The following LHPP variants were observed in gnomAD, a reference collection of about 807,000 sequenced individuals.
LHPP encodes the protein hLHPP.
LHPP carries 24 observed loss-of-function variants against 30.3 expected under a neutral mutation model. The observed-to-expected ratio is 0.79, with a 90% CI of 0.57 to 1.11. The LOEUF is 1.11. Among genes scored for constraint, LHPP ranks in the 50% most tolerant of loss-of-function variants. The pLI is 0.00. For synonymous variants in LHPP, 150 were observed against 157.1 expected (o/e 0.95, Z 0.34); for missense variants, 356 against 367.2 (o/e 0.97, Z 0.25).
intron 6 of LHPP, among the ~76,000 whole-genome samples, chr10:124,579,103 A>G (rs1246242629): frequency 6.6e-6 from 1 of 152,186 alleles, no homozygotes; most frequent in Non-Finnish European, 1.5e-5. Flanking sequence ...CAGCAAGCAG[A>G]TACATGTTGT....
chr10:124,571,567 G>A (rs557755454), intron 6 of LHPP, among the ~76,000 whole-genome samples: 1 of 152,362 alleles, frequency 6.6e-6, no homozygotes, highest in South Asian at 2.1e-4. Flanking sequence ...CTGGGAGGAG[G>A]ACCAGCAAAG....
intron 5 of LHPP, among the ~76,000 whole-genome samples, chr10:124,504,394 C>T (rs534388097): frequency 2.8e-4 from 42 of 148,508 alleles, no homozygotes; most frequent in African/African-American, 1.0e-3. Context: ...AAGTTTGAGA[C>T]CAGCCTGGGC....
At position 124,497,025 on chromosome 10, in the gene LHPP, G is replaced by A. The variant is rs1354408807; in HGVS notation, c.531+1G>A. ...TGGTCCCTACATGAAGGCGCTTGAGGTACCAGCCCTGGTTCTGTCCCAAAC... is the reference window on the plus strand; with the variant it reads ...TGGTCCCTACATGAAGGCGCTTGAGATACCAGCCCTGGTTCTGTCCCAAAC... On this transcript the variant is annotated splice_donor_variant, in intron 4 of 6. Coordinates refer to ENST00000368842, the MANE Select transcript of LHPP (RefSeq NM_022126.4). LOFTEE classifies it high-confidence loss of function. 6 of 1,613,520 alleles carry A rather than the reference G, an allele frequency of 3.7e-6. No homozygotes were observed. The highest frequency in any genetic ancestry group is 1.1e-5 in the South Asian group (1 of 91,048).
chr10:124,497,360 A>G (rs942642977), intron 4 of LHPP, among the ~76,000 whole-genome samples: 1 of 147,388 alleles, frequency 6.8e-6, no homozygotes, highest in Non-Finnish European at 1.5e-5. Flanking sequence ...TCTCTGCCAC[A>G]CTCCTCTCGG....
At chr10:124,514,912 C>T (rs1954406861) in intron 5 of LHPP, among the ~76,000 whole-genome samples, 1 of 152,104 alleles carries the variant, frequency 6.6e-6, no homozygotes, top group Non-Finnish European at 1.5e-5. Flanking sequence ...AGTGATCCTC[C>T]CACCTCAGTC....
chr10:124,557,564 A>C (rs1482612420), intron 6 of LHPP, among the ~76,000 whole-genome samples: 1 of 152,196 alleles, frequency 6.6e-6, no homozygotes, highest in African/African-American at 2.4e-5. Context: ...AGGATACATA[A>C]CAAAATGATT....
intron 2 of LHPP, 83 bp downstream of exon 2, chr10:124,484,409 C>T: frequency 7.5e-7 from 1 of 1,330,214 alleles, no homozygotes; most frequent in Non-Finnish European, 1.1e-6. Context: ...GCCTCTTTCA[C>T]TGGGCCAAAC....
chr10:124,532,144 G>T (rs908743853), intron 6 of LHPP, among the ~76,000 whole-genome samples: 1 of 152,206 alleles, frequency 6.6e-6, no homozygotes, highest in African/African-American at 2.4e-5. Flanking sequence ...CGTTCTTTGA[G>T]CCCTTCCTTG....
At chr10:124,551,491 C>G (rs1254702025) in intron 6 of LHPP, among the ~76,000 whole-genome samples, 4 of 152,182 alleles carry the variant, frequency 2.6e-5, no homozygotes, top group Non-Finnish European at 4.4e-5. Context: ...CCAGCCCCTC[C>G]CACACTTCCC....
intron 6 of LHPP, among the ~76,000 whole-genome samples, chr10:124,602,549 TG>T (rs1247939821): frequency 6.6e-6 from 1 of 152,236 alleles, no homozygotes; most frequent in African/African-American, 2.4e-5. Context: ...GATCCCTTCC[TG>T]TGCCTCGGTT....
chr10:124,564,418 C>T (rs11597269), intron 6 of LHPP, among the ~76,000 whole-genome samples: 90,193 of 151,402 alleles, frequency 0.6, 27,648 homozygotes, highest in Middle Eastern at 0.67. Context: ...CCACCGCGCC[C>T]GGCCAATTTT....
At chr10:124,553,022 C>A (rs917273202) in intron 6 of LHPP, among the ~76,000 whole-genome samples, 3 of 152,222 alleles carry the variant, frequency 2.0e-5, no homozygotes, top group Non-Finnish European at 2.9e-5. Flanking sequence ...TGATAATGAG[C>A]GCCGCTCAGC....
rs1446194280 is a variant in LHPP, at chr10:124,552,381, C to G, written c.716+35110C>G. Among the ~76,000 whole-genome samples the G allele has an allele frequency of 2.6e-5, 4 of 152,266 alleles. No homozygotes were observed. The East Asian group carries it at 7.7e-4, about 29-fold the overall frequency. ...ATCACCACCCTGCCACCACCCACCCCTCTCTCACATACAGGCTCTAGGCCT... is the reference window on the plus strand; with the variant it reads ...ATCACCACCCTGCCACCACCCACCCGTCTCTCACATACAGGCTCTAGGCCT... On this transcript the variant is annotated intron_variant, in intron 6 of 6. Transcript: ENST00000368842.
rs1948665656 is a variant in LHPP at position 124,576,542 on chromosome 10, C to T, written c.717-36722C>T. On this transcript the variant is annotated intron_variant, in intron 6 of 6. Transcript: ENST00000368842. This position sits in a 1 kb window ranked among gnomAD's most constrained non-coding sequence, Gnocchi z 4.2. ...CCTCCATGGCCTGCCCCCAGATCCCCCTTTGCTGCCACCCCTATATCTTAC... is the reference window on the plus strand; with the variant it reads ...CCTCCATGGCCTGCCCCCAGATCCCTCTTTGCTGCCACCCCTATATCTTAC... Among the ~76,000 whole-genome samples the T allele has an allele frequency of 6.6e-6, 1 of 151,598 alleles. No homozygotes were observed. Among genetic ancestry groups the T allele is most frequent in the South Asian group, 2.1e-4 (1 of 4,802 alleles).
intron 6 of LHPP, among the ~76,000 whole-genome samples, chr10:124,605,726 G>C (rs1169698355): frequency 3.3e-5 from 5 of 152,142 alleles, no homozygotes; most frequent in African/African-American, 1.2e-4. Flanking sequence ...AGGCTATGAT[G>C]TGGGCAATAG....
chr10:124,468,252 G>T (rs189276283), intron 1 of LHPP, among the ~76,000 whole-genome samples: 1 of 152,166 alleles, frequency 6.6e-6, no homozygotes, highest in Non-Finnish European at 1.5e-5. Context: ...TGCCAGGAGG[G>T]TTTTGTTTGG....
intron 5 of LHPP, among the ~76,000 whole-genome samples, chr10:124,516,940 A>G (rs978514389): frequency 6.6e-6 from 1 of 152,112 alleles, no homozygotes; most frequent in African/African-American, 2.4e-5. Flanking sequence ...ACGTCTGCTG[A>G]TTGATTTCAA....
chr10:124,485,271 T>G (rs890255893), intron 2 of LHPP, among the ~76,000 whole-genome samples: 11 of 152,004 alleles, frequency 7.2e-5, no homozygotes, highest in Non-Finnish European at 1.5e-4. Context: ...GAAAGAAGAT[T>G]TAAGAAAAAT....
chr10:124,496,283 C>T lies in LHPP; in HGVS notation c.468-678C>T, dbSNP rs565508445. On this transcript the variant is annotated intron_variant, in intron 3 of 6. Coordinates refer to ENST00000368842, the MANE Select transcript of LHPP (RefSeq NM_022126.4). This position sits in a 1 kb window ranked among gnomAD's most constrained non-coding sequence, Gnocchi z 4.3. ...GCCTTGAGGCTCAGTGTGACGCGAT[C>T]GTAGGGTGAGCCTGGCCGGGCTGCA... is the stretch of plus-strand genomic sequence containing the variant. Among the ~76,000 whole-genome samples, 43 of 152,280 alleles carry T rather than the reference C, an allele frequency of 2.8e-4. No individual in the cohort carries two copies. The highest frequency in any genetic ancestry group is 3.4e-3 in the Middle Eastern group (1 of 294).
Sources: gnomAD v4.1 joint callset for allele counts (sites outside exome capture counted in the v4.1 genomes callset) on GRCh38, gnomAD v4.1.1 for gene constraint, Gnocchi (gnomAD v3.1) non-coding constraint, MANE v1.5 for transcripts, NCBI Gene and HGNC (gene_info 2026-07-23, HGNC 2026-07-21) for gene names.